PHKG1: variants seen among roughly 807,000 people sequenced by gnomAD.
The protein encoded by PHKG1 is phosphorylase kinase catalytic subunit gamma 1, also known as phosphorylase b kinase gamma catalytic chain, skeletal muscle/heart isoform.
A neutral mutation model predicts 50.5 loss-of-function variants in PHKG1; 48 were observed. The observed-to-expected ratio is 0.95, with a 90% confidence interval of 0.75 to 1.21. PHKG1 has a LOEUF of 1.21. Ranked by LOEUF, PHKG1 falls within the 50% of genes most tolerant of loss-of-function variation. The probability of loss-of-function intolerance (pLI) is 0.00; values close to 1 mark genes in which losing one functional copy is unlikely to be tolerated. For synonymous variants in PHKG1, 204 were observed against 212.8 expected (o/e 0.96, Z 0.36); for missense variants, 487 against 519.5 (o/e 0.94, Z 0.61).
intron 1 of PHKG1, among the ~76,000 whole-genome samples, chr7:56,091,893 G>A (rs548949570): frequency 6.6e-5 from 10 of 152,370 alleles, no homozygotes; most frequent in East Asian, 1.9e-4. Flanking sequence ...GCAACTTGGC[G>A]GAGCCCGGGA....
Position 56,081,600 on chromosome 7 carries a change from C to G in PHKG1, c.918+30G>C, listed in dbSNP as rs1318428371. 3 of 1,609,746 alleles carry G rather than the reference C, an allele frequency of 1.9e-6. No homozygotes were observed. The highest frequency in any genetic ancestry group is 2.2e-5 in the South Asian group (2 of 90,918). ...GGCTTAGAGGTTTGCACTTAGGGAGCTGGCGGGCCTGGATCAGGACGCTTA... is the reference window on the plus strand; with the variant it reads ...GGCTTAGAGGTTTGCACTTAGGGAGGTGGCGGGCCTGGATCAGGACGCTTA... On this transcript the variant is annotated intron_variant, in intron 9 of 9. Transcript: ENST00000297373. The surrounding 1 kb of genome is among the most constrained non-coding windows in gnomAD (Gnocchi z 4.6).
At chr7:56,088,826 G>C in intron 2 of PHKG1, 33 bp downstream of exon 2, 1 of 1,496,240 alleles carries the variant, frequency 6.7e-7, no homozygotes, top group Non-Finnish European at 9.3e-7. Context: ...TGGAGCCTAG[G>C]ACAGCACTTC....
At chr7:56,086,850 T>C in intron 4 of PHKG1, 120 bp downstream of exon 4, 1 of 809,374 alleles carries the variant, frequency 1.2e-6, no homozygotes, top group Non-Finnish European at 2.2e-6. Context: ...AACACCGTGA[T>C]TGTATTTGGC....
intron 4 of PHKG1, chr7:56,084,097 G>C: frequency 9.9e-7 from 1 of 1,005,430 alleles, no homozygotes; most frequent in Non-Finnish European, 1.5e-6. Context: ...AGGATGGCTA[G>C]AAGTGACCAG....
rs1796027233 is a variant in PHKG1 at position 56,082,055 on chromosome 7, G to A, written c.639-9C>T. On this transcript the variant is annotated splice_polypyrimidine_tract_variant and intron_variant, in intron 7 of 9. Transcript: ENST00000297373. ...TGACGCCAGTGCTCCACCTGGACATGCGAGGGCCCAGGGCCACTTACCCAG... is the reference window on the plus strand; with the variant it reads ...TGACGCCAGTGCTCCACCTGGACATACGAGGGCCCAGGGCCACTTACCCAG... The A allele has an allele frequency of 6.2e-7, 1 of 1,611,504 alleles. No homozygotes were observed. Among genetic ancestry groups the A allele is most frequent in the Non-Finnish European group, 8.5e-7 (1 of 1,178,016 alleles).
Position 56,091,900 on chromosome 7 carries a change from G to A in PHKG1, c.-35+936C>T, listed in dbSNP as rs546265822. On this transcript the variant is annotated intron_variant, in intron 1 of 9. Coordinates refer to ENST00000297373, the MANE Select transcript of PHKG1 (RefSeq NM_006213.5). ...CCCCATCAGCAACTTGGCGGAGCCCGGGACTGTCTGTTTCCCATAAAAACA... is the reference window on the plus strand; with the variant it reads ...CCCCATCAGCAACTTGGCGGAGCCCAGGACTGTCTGTTTCCCATAAAAACA... Among the ~76,000 whole-genome samples, 32 of 152,360 alleles carry A rather than the reference G, an allele frequency of 2.1e-4. No individual in the cohort carries two copies. In the East Asian group the frequency reaches 4.4e-3, roughly 21 times the overall value.
intron 2 of PHKG1, 81 bp downstream of exon 2, chr7:56,088,778 G>C: frequency 1.1e-6 from 1 of 900,694 alleles, no homozygotes; most frequent in Non-Finnish European, 1.8e-6. Flanking sequence ...GTTAGTACTC[G>C]GGGTGGAGCA....
chr7:56,092,905 C>T lies in PHKG1; in HGVS notation c.-104G>A, dbSNP rs542577432. 1 of 152,370 alleles carries T rather than the reference C, an allele frequency of 6.6e-6. No individual in the cohort carries two copies. The highest frequency in any genetic ancestry group is 1.9e-4 in the East Asian group (1 of 5,178). 9.4% of individuals were successfully genotyped at this position (152,370 alleles called of 1,614,324 possible). ...AAAGCCCCCCGGGGAGAGGGGACCACAGAGGGCTGAAGCCGTGTCCCGAGC... is the reference window on the plus strand; with the variant it reads ...AAAGCCCCCCGGGGAGAGGGGACCATAGAGGGCTGAAGCCGTGTCCCGAGC... On this transcript the variant is annotated 5_prime_UTR_variant, in exon 1 of 10. In the 5' UTR this introduces an upstream ATG that the reference lacks. Coordinates refer to ENST00000297373, the MANE Select transcript of PHKG1 (RefSeq NM_006213.5).
In PHKG1 at chr7:56,083,284, G is replaced by A. The variant is rs781108246; in HGVS notation, c.541C>T (p.Leu181=). 1 of 1,613,894 alleles carries A rather than the reference G, an allele frequency of 6.2e-7. No individual in the cohort carries two copies. Among genetic ancestry groups the A allele is most frequent in the Non-Finnish European group, 8.5e-7 (1 of 1,179,888 alleles). ...FSCQLEPGER[L]REVCGTPSYL... ...CAAGGCCATGTTACCAGACCTCGCA[G>A]CCTCTCTCCCGGCTCCAGCTGGCAG... Residue 181 remains leucine, a synonymous_variant, in exon 6 of 10, where the codon CTG becomes TTG. Transcript: ENST00000297373.
rs574938961 is a variant in PHKG1, at chr7:56,081,314, G to A, written c.919-15C>T. On this transcript the variant is annotated splice_polypyrimidine_tract_variant and intron_variant, in intron 9 of 9. Transcript: ENST00000297373. This position sits in a 1 kb window ranked among gnomAD's most constrained non-coding sequence, Gnocchi z 4.6. Reference sequence around the variant, plus strand: ...AGAGCGATCACCTGCAGGGCCAGGCGGAGAAGCTGGGCTGCAGCCCCCGCC... The same window carrying A: ...AGAGCGATCACCTGCAGGGCCAGGCAGAGAAGCTGGGCTGCAGCCCCCGCC... 722 of 1,596,286 alleles carry A rather than the reference G, an allele frequency of 4.5e-4. 11 individuals carry two copies. In the South Asian group the frequency reaches 4.6e-3, roughly 10 times the overall value.
At chr7:56,089,850 G>A (rs778340720) in intron 1 of PHKG1, among the ~76,000 whole-genome samples, 1 of 151,916 alleles carries the variant, frequency 6.6e-6, no homozygotes, top group African/African-American at 2.4e-5. Context: ...TTGTAGAGAC[G>A]GGGTCTCCCT....
chr7:56,090,422 CAT>C (rs772723941), intron 1 of PHKG1, among the ~76,000 whole-genome samples: 2 of 152,144 alleles, frequency 1.3e-5, no homozygotes, highest in Non-Finnish European at 2.9e-5. Flanking sequence ...GGCCCTTCCT[CAT>C]GTATTCTATC....
In PHKG1 at chr7:56,087,802, T is replaced by G. The variant is rs531944317; in HGVS notation, c.84-26A>C. Reference sequence around the variant, plus strand: ...CTGGGAGTGCAGAGGACAGATGGCCTCGGGGGGCCCCTCACCCCATGGGGG... The same window carrying G: ...CTGGGAGTGCAGAGGACAGATGGCCGCGGGGGGCCCCTCACCCCATGGGGG... On this transcript the variant is annotated intron_variant, in intron 2 of 9. Transcript: ENST00000297373. 3.3e-5 allele frequency: 52 copies of G among 1,592,870 alleles called. No homozygotes were observed. The South Asian group carries it at 5.3e-4, about 16-fold the overall frequency.
intron 2 of PHKG1, among the ~76,000 whole-genome samples, chr7:56,088,044 T>TC (rs1178797191): frequency 1.9e-4 from 28 of 147,424 alleles, no homozygotes; most frequent in Middle Eastern, 3.2e-3. Flanking sequence ...CTTTTTTTTT[T>TC]TTTTTTTTTG....
intron 1 of PHKG1, among the ~76,000 whole-genome samples, 192 bp downstream of exon 1, chr7:56,092,644 A>G (rs1796531206): frequency 6.6e-6 from 1 of 151,956 alleles, no homozygotes; most frequent in South Asian, 2.1e-4. Flanking sequence ...AGTCCCGGGG[A>G]CCTCTTTTCT....
chr7:56,086,912 A>T, intron 4 of PHKG1, 58 bp downstream of exon 4: 1 of 1,321,924 alleles, frequency 7.6e-7, no homozygotes, highest in South Asian at 1.2e-5. Flanking sequence ...GGGGTTGGGG[A>T]GGGGACAGCA....
Position 56,085,683 on chromosome 7 carries a change from G to A in PHKG1, c.317+1287C>T, listed in dbSNP as rs114505606. Among the ~76,000 whole-genome samples the A allele has an allele frequency of 7.5e-3, 1,145 of 152,298 alleles. 14 individuals carry two copies. Among genetic ancestry groups the A allele is most frequent in the African/African-American group, 0.025 (1,039 of 41,566 alleles). ...GTGAGATCTTTTCAAAAGGAAGTCA[G>A]CCTGGGCGCAGTGGCTCACGCCTGT... On this transcript the variant is annotated intron_variant, in intron 4 of 9. Coordinates refer to ENST00000297373, the MANE Select transcript of PHKG1 (RefSeq NM_006213.5).
At chr7:56,088,657 C>G (rs1796370358) in intron 2 of PHKG1, 1 of 500,818 alleles carries the variant, frequency 2.0e-6, no homozygotes. Flanking sequence ...GCGCCTGCCC[C>G]TGGGAACTTT....
chr7:56,084,369 G>GT, intron 4 of PHKG1: 4 of 473,416 alleles, frequency 8.4e-6, no homozygotes, highest in Non-Finnish European at 1.1e-5. Flanking sequence ...TGAGTATCCC[G>GT]ATTTTTTTTT....
Sources: allele counts gnomAD v4.1 joint callset (sites outside exome capture counted in the v4.1 genomes callset), GRCh38; gene constraint gnomAD v4.1.1; non-coding constraint Gnocchi (gnomAD v3.1); transcripts MANE v1.5; gene names NCBI Gene and HGNC (gene_info 2026-07-23, HGNC 2026-07-21).